Variants in AFF2 observed in about 807,000 individuals in gnomAD.
AFF2 encodes AF4/FMR2 family member 2.
A neutral mutation model predicts 76.9 loss-of-function variants in AFF2; 14 were observed. The ratio of observed to expected loss-of-function variants is 0.18; its 90% CI spans 0.12 to 0.28. The LOEUF is 0.28. AFF2 is among the 10% of genes least tolerant of loss of function. The probability of loss-of-function intolerance (pLI) is 1.00; values close to 1 mark genes in which losing one functional copy is unlikely to be tolerated. For synonymous variants in AFF2, 398 were observed against 366.7 expected (o/e 1.09, Z -0.98); for missense variants, 868 against 1,001.1 (o/e 0.87, Z 1.79).
intron 3 of AFF2, among the ~76,000 whole-genome samples, chrX:148,778,874 AT>A (rs1174592468): frequency 2.7e-5 from 3 of 109,340 alleles, no homozygotes; most frequent in East Asian, 5.8e-4. Context: ...GATCTTAGTT[AT>A]TTCTTGTCTT....
chrX:148,518,358 GGTGGTCTCTAGTATTTGCA>G (rs1339891394), intron 1 of AFF2, among the ~76,000 whole-genome samples: 1 of 112,002 alleles, frequency 8.9e-6, no homozygotes, highest in Admixed American at 9.5e-5. Flanking sequence ...TTACTTGGGC[GGTGGTCTCTAGTATTTGCA>G]GTGCTTCATT....
chrX:148,684,270 C>T (rs1399167850), intron 3 of AFF2, among the ~76,000 whole-genome samples: 1 of 111,852 alleles, frequency 8.9e-6, no homozygotes, highest in Non-Finnish European at 1.9e-5. Flanking sequence ...TTGGCCCTTA[C>T]TAATCAGAGG....
chrX:148,781,899 G>T (rs1557269111), intron 3 of AFF2, among the ~76,000 whole-genome samples: 1 of 111,589 alleles, frequency 9.0e-6, no homozygotes, highest in African/African-American at 3.3e-5. Flanking sequence ...ATCTGGGCTG[G>T]ATAGCACCGC....
chrX:148,645,962 C>T (rs1557255288), intron 1 of AFF2, among the ~76,000 whole-genome samples: 2 of 111,940 alleles, frequency 1.8e-5, no homozygotes, highest in African/African-American at 3.2e-5. Flanking sequence ...TAAAAAGAAA[C>T]GAAGTACTGA....
Position 148,973,577 on chromosome X carries a change from C to T in AFF2, c.3374C>T (p.Thr1125Ile). Residue 1125 changes from threonine (T) to isoleucine (I), a missense_variant, in exon 16 of 21, where the codon ACC becomes ATC. Around this residue, in one of 6 missense-constraint regions of AFF2, gnomAD observed 57 missense variants for 117.8 expected, o/e 0.48. Coordinates refer to ENST00000370460, the MANE Select transcript of AFF2 (RefSeq NM_002025.4). Reference protein sequence around the residue: ...RDPLEAKSPYTMYSETVELLR... With the variant: ...RDPLEAKSPYIMYSETVELLR... ...CCTCTGGAAGCAAAGTCCCCATACA[C>T]CATGTACTCTGAGACTGTGGAGCTC... 1 of 1,211,216 alleles carries T rather than the reference C, an allele frequency of 8.3e-7. No homozygotes were observed. Among genetic ancestry groups the T allele is most frequent in the Non-Finnish European group, 1.1e-6 (1 of 894,987 alleles).
rs191100034 is a variant in AFF2, at chrX:148,892,480, G to A, written c.1359+6495G>A. ...GGTCATGGTCATGGTTGTTGTTCTT[G>A]TTGAGCGAGCTTACTGGCCTGGTTG... On this transcript the variant is annotated intron_variant, in intron 8 of 20. Coordinates refer to ENST00000370460, the MANE Select transcript of AFF2 (RefSeq NM_002025.4). 8.2e-3 allele frequency among the ~76,000 whole-genome samples: 910 copies of A among 110,914 alleles called. 6 individuals carry two copies. Among genetic ancestry groups the A allele is most frequent in the African/African-American group, 0.028 (848 of 30,473 alleles).
intron 19 of AFF2, among the ~76,000 whole-genome samples, chrX:148,981,108 C>A (rs972807850): frequency 1.8e-5 from 2 of 112,004 alleles, no homozygotes. Flanking sequence ...ATGATTCACT[C>A]AATAATGAAA....
Position 148,956,562 on chromosome X carries a change from A to C in AFF2, c.2517A>C (p.Thr839=), listed in dbSNP as rs2072043732. ...CTGCCACAAAACCCAAGCGTCAGAC[A>C]GCTGTCACAGCTGTGGAGAAACCAG... is the stretch of plus-strand genomic sequence containing the variant. The part of the protein sequence containing the change: ...KETATKPKRQ[T]AVTAVEKPAP... The change falls in exon 11 of 21, where the codon ACA becomes ACC. Residue 839 remains threonine, a synonymous_variant. Transcript: ENST00000370460. The C allele has an allele frequency of 1.7e-6, 2 of 1,211,633 alleles. No homozygotes were observed. Among genetic ancestry groups the C allele is most frequent in the Non-Finnish European group, 2.2e-6 (2 of 895,472 alleles).
chrX:148,524,217 G>T (rs2052634637), intron 1 of AFF2, among the ~76,000 whole-genome samples: 1 of 107,833 alleles, frequency 9.3e-6, no homozygotes, highest in South Asian at 4.2e-4. Flanking sequence ...CATGAGAAGG[G>T]TAAAAGTAAA....
At chrX:148,751,640 CAGTGGACAT>C (rs2055499961) in intron 3 of AFF2, among the ~76,000 whole-genome samples, 1 of 111,714 alleles carries the variant, frequency 9.0e-6, no homozygotes, top group Middle Eastern at 4.6e-3. Context: ...GTGGGCATGT[CAGTGGACAT>C]GAGGAGTTTC....
At chrX:148,515,503 C>T (rs1234495208) in intron 1 of AFF2, among the ~76,000 whole-genome samples, 1 of 112,034 alleles carries the variant, frequency 8.9e-6, no homozygotes, top group Non-Finnish European at 1.9e-5. Context: ...AGTACTGATA[C>T]TTTGTATCCC....
intron 1 of AFF2, among the ~76,000 whole-genome samples, chrX:148,640,820 G>A (rs782190457): frequency 4.5e-5 from 5 of 112,013 alleles, no homozygotes; most frequent in South Asian, 3.7e-4. Flanking sequence ...TCCCCAAGGC[G>A]TAGAAATTCT....
At chrX:148,615,172 A>G (rs782538242) in intron 1 of AFF2, among the ~76,000 whole-genome samples, 22 of 111,299 alleles carry the variant, frequency 2.0e-4, no homozygotes, top group African/African-American at 7.2e-4. Context: ...ACTAGGGAGG[A>G]TTAAAGCCCA....
intron 4 of AFF2, among the ~76,000 whole-genome samples, chrX:148,830,445 GC>G (rs1284456351): frequency 8.9e-6 from 1 of 111,778 alleles, no homozygotes; most frequent in African/African-American, 3.3e-5. Context: ...GGGGGAACCT[GC>G]CCCCAATAAT....
At chrX:148,942,535 G>A (rs1032822336) in intron 9 of AFF2, among the ~76,000 whole-genome samples, 8 of 111,272 alleles carry the variant, frequency 7.2e-5, no homozygotes, top group Non-Finnish European at 1.3e-4. Flanking sequence ...TTGGATTTGC[G>A]GCCAGGCACG....
intron 3 of AFF2, 38 bp downstream of exon 3, chrX:148,662,806 T>A: frequency 8.5e-7 from 1 of 1,170,277 alleles, no homozygotes; most frequent in Non-Finnish European, 1.1e-6. Context: ...TTTCACTTTT[T>A]TTTAGTTCTC....
chrX:148,918,077 G>A, intron 9 of AFF2, among the ~76,000 whole-genome samples: 1 of 111,958 alleles, frequency 8.9e-6, no homozygotes, highest in Non-Finnish European at 1.9e-5. Context: ...TACTCCAGAG[G>A]AGATTTTGTA....
chrX:148,900,963 T>TA (rs1179987494), intron 8 of AFF2, among the ~76,000 whole-genome samples: 1 of 111,973 alleles, frequency 8.9e-6, no homozygotes, highest in Non-Finnish European at 1.9e-5. Flanking sequence ...TATCTGGCTG[T>TA]AAAAATCTAT....
At chrX:148,751,045 CTGAGTA>C (rs1432106808) in intron 3 of AFF2, among the ~76,000 whole-genome samples, 1 of 112,226 alleles carries the variant, frequency 8.9e-6, no homozygotes, top group Non-Finnish European at 1.9e-5. Context: ...ATTCTGTGAG[CTGAGTA>C]TAACAATTTA....
Sources: allele counts gnomAD v4.1 joint callset (sites outside exome capture counted in the v4.1 genomes callset), GRCh38; gene constraint gnomAD v4.1.1; regional missense constraint gnomAD v4.1.1; transcripts MANE v1.5; gene names NCBI Gene and HGNC (gene_info 2026-07-23, HGNC 2026-07-21).